TNS3: variants seen among roughly 807,000 people sequenced by gnomAD.
The protein encoded by TNS3 is tensin-3.
TNS3 carries 45 observed loss-of-function variants against 140.9 expected under a neutral mutation model. That is an observed-to-expected ratio of 0.32 (90% CI 0.25 to 0.41). TNS3 has a LOEUF of 0.41. Among genes scored for constraint, TNS3 ranks in the 10% least tolerant of loss-of-function variants. The probability of loss-of-function intolerance (pLI) is 1.00; values close to 1 mark genes in which losing one functional copy is unlikely to be tolerated. For missense variants in TNS3, 1,716 were observed against 1,906.7 expected (o/e 0.90, Z 1.86); for synonymous variants, 815 against 788.4 (o/e 1.03, Z -0.56).
intron 13 of TNS3, among the ~76,000 whole-genome samples, chr7:47,408,777 C>CA (rs1793589432): frequency 6.6e-6 from 1 of 152,202 alleles, no homozygotes; most frequent in African/African-American, 2.4e-5. Flanking sequence ...ACAACAGCAT[C>CA]AGCCTTTGTG....
At chr7:47,461,466 C>G (rs938275561) in intron 4 of TNS3, among the ~76,000 whole-genome samples, 1 of 152,202 alleles carries the variant, frequency 6.6e-6, no homozygotes, top group African/African-American at 2.4e-5. Context: ...GGGGCTCAGT[C>G]AGCCAAGACT....
chr7:47,535,792 G>A (rs902065863), intron 1 of TNS3, among the ~76,000 whole-genome samples: 2 of 152,230 alleles, frequency 1.3e-5, no homozygotes, highest in African/African-American at 2.4e-5. Context: ...ATGCAAAACC[G>A]CAGGGATCTC....
intron 4 of TNS3, among the ~76,000 whole-genome samples, chr7:47,447,851 G>A (rs1795826783): frequency 6.6e-6 from 1 of 152,214 alleles, no homozygotes; most frequent in African/African-American, 2.4e-5. Context: ...GTATCTCTAT[G>A]AGAACCATGC....
intron 17 of TNS3, among the ~76,000 whole-genome samples, chr7:47,349,954 G>A (rs1789568151): frequency 6.6e-6 from 1 of 152,212 alleles, no homozygotes; most frequent in Admixed American, 6.5e-5. Context: ...CAGACAAGGA[G>A]AATGGAGGCT....
upstream of TNS3, chr7:47,582,304 G>C: frequency 2.6e-6 from 1 of 389,084 alleles, no homozygotes; most frequent in South Asian, 1.9e-5. Flanking sequence ...CCCTGCCGAG[G>C]TGCGCCCTGG....
chr7:47,338,054 T>C (rs1374241189), intron 20 of TNS3, among the ~76,000 whole-genome samples: 1 of 151,990 alleles, frequency 6.6e-6, no homozygotes, highest in African/African-American at 2.4e-5. Context: ...TCACTTATTT[T>C]TATTGCTGAG....
intron 4 of TNS3, among the ~76,000 whole-genome samples, chr7:47,478,812 A>G (rs1277433042): frequency 6.6e-6 from 1 of 152,132 alleles, no homozygotes; most frequent in Non-Finnish European, 1.5e-5. Flanking sequence ...CATGTATAAC[A>G]TGCATGTATG....
rs371477302 is a variant in TNS3 at position 47,278,049 on chromosome 7, G to A, written c.*27C>T. On this transcript the variant is annotated 3_prime_UTR_variant, in exon 31 of 31. Coordinates refer to ENST00000311160, the MANE Select transcript of TNS3 (RefSeq NM_022748.12). ...TGTCTCCAGGGCTTCGAGAGGCATC[G>A]GTGGGTCCAGGGAGGGAGGGGAGTT... 1.3e-5 allele frequency: 21 copies of A among 1,613,752 alleles called. No homozygotes were observed. The highest frequency in any genetic ancestry group is 6.7e-5 in the Admixed American group (4 of 60,000).
intron 13 of TNS3, among the ~76,000 whole-genome samples, chr7:47,406,798 C>T (rs892755777): frequency 6.6e-6 from 1 of 152,222 alleles, no homozygotes; most frequent in African/African-American, 2.4e-5. Context: ...GTAACTTCTT[C>T]CCCCACTACA....
At chr7:47,542,047 C>A (rs1220068154) in intron 1 of TNS3, among the ~76,000 whole-genome samples, 1 of 151,632 alleles carries the variant, frequency 6.6e-6, no homozygotes, top group Non-Finnish European at 1.5e-5. Flanking sequence ...AGCTTCCATG[C>A]GTCGTGGGAT....
intron 10 of TNS3, among the ~76,000 whole-genome samples, chr7:47,421,891 A>T (rs973908018): frequency 9.2e-5 from 14 of 152,132 alleles, no homozygotes; most frequent in Admixed American, 9.2e-4. Context: ...CTTGCTAATT[A>T]ATTATTCTCA....
chr7:47,320,740 C>T (rs1787687772), intron 20 of TNS3, among the ~76,000 whole-genome samples: 1 of 152,160 alleles, frequency 6.6e-6, no homozygotes, highest in Non-Finnish European at 1.5e-5. Context: ...TCCTGGGGTT[C>T]GGGTTAAGGC....
chr7:47,381,254 C>T (rs1162745462), intron 16 of TNS3, among the ~76,000 whole-genome samples: 1 of 152,218 alleles, frequency 6.6e-6, no homozygotes, highest in East Asian at 1.9e-4. Flanking sequence ...GCCACACATG[C>T]TCCATCTCCT....
chr7:47,567,939 G>A (rs1800466910), intron 1 of TNS3, among the ~76,000 whole-genome samples: 1 of 152,170 alleles, frequency 6.6e-6, no homozygotes, highest in Non-Finnish European at 1.5e-5. Flanking sequence ...TATTCTGCCA[G>A]TCGCCCCCTA....
At position 47,368,722 on chromosome 7, in the gene TNS3, C is replaced by A; in HGVS notation, c.1924G>T (p.Ala642Ser). 1 of 1,577,026 alleles carries A rather than the reference C, an allele frequency of 6.3e-7. No homozygotes were observed. The highest frequency in any genetic ancestry group is 8.6e-7 in the Non-Finnish European group (1 of 1,161,194). The change falls in exon 17 of 31, where the codon GCT (alanine) becomes TCT (serine). Residue 642 changes from alanine to serine, a missense_variant. Physicochemically the swap from Ala to Ser is moderately conservative, Grantham distance 99. This residue lies in a region of TNS3 where 1,163 missense variants were observed against 1,182.1 expected (regional missense o/e 0.98). Coordinates refer to ENST00000311160, the MANE Select transcript of TNS3 (RefSeq NM_022748.12). The part of the protein sequence containing the change: ...TPTRGTSSRV[A>S]VQRGVGSGPH... ...CCACTGCCTACACCCCTCTGGACAG[C>A]CACCCTACTGCTGGTCCCTCGGGTG...
intron 21 of TNS3, 79 bp downstream of exon 21, chr7:47,304,753 C>G: frequency 1.6e-6 from 2 of 1,280,764 alleles, no homozygotes; most frequent in Non-Finnish European, 2.0e-6. Context: ...AGAGCAAGCC[C>G]CCGCTGGTCC....
At chr7:47,542,961 T>C (rs1799830768) in intron 1 of TNS3, among the ~76,000 whole-genome samples, 1 of 149,790 alleles carries the variant, frequency 6.7e-6, no homozygotes, top group Non-Finnish European at 1.5e-5. Context: ...GCCTCTGATA[T>C]TGAAAAAGAC....
At chr7:47,518,805 C>T (rs542723009) in intron 2 of TNS3, among the ~76,000 whole-genome samples, 2 of 152,320 alleles carry the variant, frequency 1.3e-5, no homozygotes, top group Non-Finnish European at 2.9e-5. Context: ...CAGTTATTGT[C>T]CTCATGTGGC....
chr7:47,554,043 G>A (rs979044420), intron 1 of TNS3, among the ~76,000 whole-genome samples: 1 of 151,708 alleles, frequency 6.6e-6, no homozygotes, highest in East Asian at 2.0e-4. Flanking sequence ...GACCTCAGGT[G>A]ATCCGCCCAC....
Sources: allele counts gnomAD v4.1 joint callset (sites outside exome capture counted in the v4.1 genomes callset), GRCh38; gene constraint gnomAD v4.1.1; regional missense constraint gnomAD v4.1.1; transcripts MANE v1.5; gene names NCBI Gene and HGNC (gene_info 2026-07-23, HGNC 2026-07-21).